Variants in DLG2 observed in about 807,000 individuals in gnomAD.
DLG2 encodes disks large homolog 2.
A neutral mutation model predicts 132.5 loss-of-function variants in DLG2; 45 were observed. The ratio of observed to expected loss-of-function variants is 0.34; its 90% confidence interval spans 0.27 to 0.44. The LOEUF (loss-of-function observed/expected upper bound fraction) is 0.44, where lower values mean the gene tolerates loss of function less well. Among genes scored for constraint, DLG2 ranks in the 20% least tolerant of loss-of-function variants. The pLI is 1.00. For missense variants in DLG2, 1,045 were observed against 1,196.9 expected (o/e 0.87, Z 1.87); for synonymous variants, 424 against 419.6 (o/e 1.01, Z -0.13).
intron 6 of DLG2, among the ~76,000 whole-genome samples, chr11:85,044,634 C>G (rs2062164367): frequency 6.6e-6 from 1 of 152,058 alleles, no homozygotes; most frequent in South Asian, 2.1e-4. Flanking sequence ...AATATAACTA[C>G]CACTGGAGCC....
chr11:84,340,481 A>G (rs114473071), intron 7 of DLG2, among the ~76,000 whole-genome samples: 77 of 152,306 alleles, frequency 5.1e-4, no homozygotes, highest in African/African-American at 1.7e-3. Context: ...AAGATACTAC[A>G]TACTTACCTA....
At chr11:85,034,250 T>C (rs1371578183) in intron 6 of DLG2, among the ~76,000 whole-genome samples, 1 of 151,970 alleles carries the variant, frequency 6.6e-6, no homozygotes, top group Non-Finnish European at 1.5e-5. Context: ...GCTAATTTTT[T>C]TGTATTTTTA....
At chr11:83,930,283 G>A in intron 15 of DLG2, 45 bp downstream of exon 15, 2 of 1,603,754 alleles carry the variant, frequency 1.2e-6, no homozygotes, top group Non-Finnish European at 1.7e-6. Context: ...CCTTGTGGAA[G>A]CACATGCAGT....
rs59038372 is a variant in DLG2 at position 84,373,265 on chromosome 11, C to CAAA, written c.520-121977_520-121975dup. 2.8e-3 allele frequency among the ~76,000 whole-genome samples: 273 copies of CAAA among 98,044 alleles called. 6 individuals are homozygous for CAAA. The highest frequency in any genetic ancestry group is 8.0e-3 in the African/African-American group (175 of 21,944). 64.3% of individuals were successfully genotyped at this position (98,044 alleles called of 152,430 possible). A position where few individuals can be genotyped will look rare whatever the true frequency, so the allele number is the denominator to read the frequency against. On this transcript the variant is annotated intron_variant, in intron 7 of 27. Coordinates refer to ENST00000376104, the MANE Select transcript of DLG2 (RefSeq NM_001142699.3). ...AGAAACAGTCAAAAAAAAAAAAAAA[C>CAAA]AAAACAAAAAAAAAACCCACCAGGC...
intron 8 of DLG2, among the ~76,000 whole-genome samples, chr11:84,197,967 C>T (rs553645091): frequency 1.3e-5 from 2 of 152,242 alleles, no homozygotes; most frequent in East Asian, 3.9e-4. Context: ...CATACTTCAT[C>T]TTTAAAAAGT....
chr11:84,485,090 A>C (rs1374560589), intron 7 of DLG2, among the ~76,000 whole-genome samples: 1 of 152,100 alleles, frequency 6.6e-6, no homozygotes, highest in Non-Finnish European at 1.5e-5. Context: ...GCTAACATGG[A>C]GCCAGAATTT....
At chr11:84,389,613 C>T (rs2098784904) in intron 7 of DLG2, among the ~76,000 whole-genome samples, 1 of 152,006 alleles carries the variant, frequency 6.6e-6, no homozygotes, top group Non-Finnish European at 1.5e-5. Flanking sequence ...TTTATTGCTT[C>T]AAAGTTTCCA....
intron 3 of DLG2, among the ~76,000 whole-genome samples, chr11:85,461,863 G>A (rs1306167111): frequency 2.6e-5 from 4 of 152,086 alleles, no homozygotes; most frequent in African/African-American, 9.7e-5. Flanking sequence ...GAGTGAACAG[G>A]CAACCTACAG....
intron 17 of DLG2, among the ~76,000 whole-genome samples, chr11:83,820,151 T>C (rs570473010): frequency 1.2e-4 from 18 of 152,344 alleles, no homozygotes; most frequent in African/African-American, 4.1e-4. Flanking sequence ...TGCCATCTTG[T>C]GGATTTTTAG....
intron 18 of DLG2, among the ~76,000 whole-genome samples, chr11:83,690,436 T>G (rs567822428): frequency 6.6e-6 from 1 of 152,132 alleles, no homozygotes; most frequent in East Asian, 1.9e-4. Flanking sequence ...ACAAGTTTAA[T>G]ATAGTAGAAA....
chr11:84,001,800 T>C (rs994068674), intron 11 of DLG2, among the ~76,000 whole-genome samples: 2 of 152,140 alleles, frequency 1.3e-5, no homozygotes, highest in Admixed American at 1.3e-4. Context: ...TTGGAAACTA[T>C]ACAAGTACAT....
At chr11:83,733,852 T>C (rs1277150524) in intron 18 of DLG2, among the ~76,000 whole-genome samples, 1 of 152,226 alleles carries the variant, frequency 6.6e-6, no homozygotes, top group Non-Finnish European at 1.5e-5. Flanking sequence ...TCTGGGCTTT[T>C]AGTGTAACCA....
In DLG2 at chr11:84,013,945, T is replaced by C. The variant is rs547588008; in HGVS notation, c.920-33303A>G. Among the ~76,000 whole-genome samples, 277 of 151,406 alleles carry C rather than the reference T, an allele frequency of 1.8e-3. 1 individual carries two copies. Among genetic ancestry groups the C allele is most frequent in the African/African-American group, 6.6e-3 (271 of 41,352 alleles). Reference sequence around the variant, plus strand: ...AATTAACCAAAACTCATAACTGTCTTGACTGGACCTGGAGATGCTAACTTC... The same window carrying C: ...AATTAACCAAAACTCATAACTGTCTCGACTGGACCTGGAGATGCTAACTTC... On this transcript the variant is annotated intron_variant, in intron 11 of 27. Transcript: ENST00000376104.
At chr11:83,938,380 G>C (rs552586432) in intron 14 of DLG2, among the ~76,000 whole-genome samples, 1 of 151,470 alleles carries the variant, frequency 6.6e-6, no homozygotes, top group Admixed American at 6.6e-5. Context: ...GGGTGAAAAG[G>C]GAGAAAGAGA....
At chr11:84,999,796 T>C (rs1455907029) in intron 6 of DLG2, among the ~76,000 whole-genome samples, 1 of 152,088 alleles carries the variant, frequency 6.6e-6, no homozygotes, top group Admixed American at 6.5e-5. Flanking sequence ...CTCATGTCTA[T>C]AAAAAGAAAA....
At chr11:84,078,102 G>A (rs1432085485) in intron 10 of DLG2, among the ~76,000 whole-genome samples, 1 of 152,082 alleles carries the variant, frequency 6.6e-6, no homozygotes, top group African/African-American at 2.4e-5. Flanking sequence ...TTGTATTGGG[G>A]ATTCTTTTCT....
chr11:85,393,959 A>G (rs2087044359), intron 3 of DLG2, among the ~76,000 whole-genome samples: 1 of 152,162 alleles, frequency 6.6e-6, no homozygotes, highest in African/African-American at 2.4e-5. Context: ...GGTACAGTGT[A>G]CACTGCTCAG....
intron 7 of DLG2, among the ~76,000 whole-genome samples, chr11:84,268,921 C>A (rs2097684255): frequency 6.6e-6 from 1 of 152,094 alleles, no homozygotes; most frequent in African/African-American, 2.4e-5. Flanking sequence ...CAGTACCTAG[C>A]CCAGGGTGTG....
intron 15 of DLG2, among the ~76,000 whole-genome samples, chr11:83,918,096 C>T (rs1368974027): frequency 2.0e-5 from 3 of 152,142 alleles, no homozygotes; most frequent in Non-Finnish European, 1.5e-5. Flanking sequence ...ATCTTGAACA[C>T]ATGTGAATTT....
Sources: allele counts gnomAD v4.1 joint callset (sites outside exome capture counted in the v4.1 genomes callset), GRCh38; gene constraint gnomAD v4.1.1; transcripts MANE v1.5; gene names NCBI Gene and HGNC (gene_info 2026-07-23, HGNC 2026-07-21).